PCNX2: variants seen among roughly 807,000 people sequenced by gnomAD.
The protein encoded by PCNX2 is pecanex 2, also known as pecanex-like protein 2.
In PCNX2, 168 loss-of-function variants were observed where a neutral mutation model predicts 223.8. The observed-to-expected ratio is 0.75, with a 90% CI of 0.66 to 0.85. The LOEUF (loss-of-function observed/expected upper bound fraction) is 0.85, where lower values mean the gene tolerates loss of function less well. Ranked by LOEUF, PCNX2 falls within the 40% of genes least tolerant of loss-of-function variation. The pLI, the probability that PCNX2 is intolerant of heterozygous loss-of-function variation, is 0.00. For missense variants in PCNX2, 2,507 were observed against 2,675.5 expected (o/e 0.94, Z 1.39); for synonymous variants, 1,006 against 1,052.6 (o/e 0.96, Z 0.86).
intron 32 of PCNX2, among the ~76,000 whole-genome samples, chr1:232,989,695 C>T (rs1384262957): frequency 6.6e-6 from 1 of 152,198 alleles, no homozygotes. Context: ...GTAAAGGATA[C>T]ACAGGACAAA....
At chr1:233,215,771 G>A (rs1053310380) in intron 12 of PCNX2, among the ~76,000 whole-genome samples, 1 of 152,218 alleles carries the variant, frequency 6.6e-6, no homozygotes, top group African/African-American at 2.4e-5. Flanking sequence ...CTTCAAAGCT[G>A]TACATCTCTC....
chr1:233,289,386 G>A (rs1201028174), intron 1 of PCNX2: 9 of 1,351,414 alleles, frequency 6.7e-6, no homozygotes, highest in Non-Finnish European at 7.4e-6. Context: ...GGAGATGCGG[G>A]ACTCGAACTC....
At chr1:233,071,096 A>G (rs903673461) in intron 23 of PCNX2, among the ~76,000 whole-genome samples, 2 of 152,188 alleles carry the variant, frequency 1.3e-5, no homozygotes, top group Non-Finnish European at 2.9e-5. Flanking sequence ...TAATGGTGAA[A>G]AATTGAATTA....
At chr1:233,002,328 G>A (rs151144348) in intron 28 of PCNX2, among the ~76,000 whole-genome samples, 328 of 152,188 alleles carry the variant, frequency 2.2e-3, no homozygotes, top group African/African-American at 7.6e-3. Flanking sequence ...CAAAATCAAT[G>A]TGCAAAAATC....
intron 21 of PCNX2, among the ~76,000 whole-genome samples, chr1:233,132,886 T>G (rs1040492061): frequency 1.3e-5 from 2 of 151,622 alleles, no homozygotes; most frequent in African/African-American, 4.9e-5. Context: ...CTGGCACATT[T>G]TACATCTTTT....
chr1:233,241,261 G>C (rs1198563680), intron 8 of PCNX2: 1 of 985,328 alleles, frequency 1.0e-6, no homozygotes, highest in African/African-American at 1.7e-5. Context: ...CATGGGACCT[G>C]ACTGCCATCA....
chr1:233,179,608 C>T (rs1228138682), intron 15 of PCNX2, among the ~76,000 whole-genome samples: 3 of 151,954 alleles, frequency 2.0e-5, no homozygotes, highest in Non-Finnish European at 4.4e-5. Flanking sequence ...GAACTGAAAA[C>T]CTGATAAAGA....
At chr1:232,998,048 T>C (rs1669938174) in intron 32 of PCNX2, among the ~76,000 whole-genome samples, 1 of 152,102 alleles carries the variant, frequency 6.6e-6, no homozygotes, top group Non-Finnish European at 1.5e-5. Context: ...CATGGACAGA[T>C]GGATAAATGG....
intron 25 of PCNX2, among the ~76,000 whole-genome samples, chr1:233,030,256 T>C (rs1671218889): frequency 6.6e-6 from 1 of 152,202 alleles, no homozygotes; most frequent in South Asian, 2.1e-4. Flanking sequence ...TTTTCAGTTC[T>C]AGAATTTTAA....
At chr1:233,106,455 C>T (rs138629927) in intron 21 of PCNX2, among the ~76,000 whole-genome samples, 4 of 150,742 alleles carry the variant, frequency 2.7e-5, no homozygotes, top group African/African-American at 7.3e-5. Flanking sequence ...CACGTTCAAG[C>T]GATTCTCCTG....
intron 19 of PCNX2, among the ~76,000 whole-genome samples, chr1:233,142,902 A>G (rs946995557): frequency 6.6e-6 from 1 of 151,648 alleles, no homozygotes; most frequent in Non-Finnish European, 1.5e-5. Context: ...CTCTTCTCCC[A>G]TTTCCTCTGT....
At chr1:233,294,226 G>T (rs1325410512) in intron 1 of PCNX2, among the ~76,000 whole-genome samples, 2 of 152,090 alleles carry the variant, frequency 1.3e-5, no homozygotes, top group African/African-American at 4.8e-5. Context: ...GGCTTTATAT[G>T]TACTATCTCA....
chr1:233,054,158 G>A, intron 25 of PCNX2, 110 bp downstream of exon 25: 1 of 921,654 alleles, frequency 1.1e-6, no homozygotes, highest in Admixed American at 2.5e-5. Context: ...ACTTTCAGTA[G>A]GAAGACATTA....
chr1:233,235,677 T>C (rs563315417), intron 9 of PCNX2, among the ~76,000 whole-genome samples: 18 of 152,214 alleles, frequency 1.2e-4, no homozygotes, highest in African/African-American at 4.1e-4. Context: ...CCTTGGCTGA[T>C]TGCAACCTCC....
intron 28 of PCNX2, 129 bp downstream of exon 28, chr1:233,014,536 T>C: frequency 1.5e-6 from 1 of 684,372 alleles, no homozygotes; most frequent in East Asian, 2.7e-5. Context: ...TAATTTATTA[T>C]GAAAAGAACT....
rs1662022451 is a variant in PCNX2 at position 233,295,401 on chromosome 1, C to T, written c.78G>A (p.Glu26=). The change falls in exon 1 of 34, where the codon GAG becomes GAA. Residue 26 remains glutamate, a synonymous_variant. Transcript: ENST00000258229. This position sits in a 1 kb window ranked among gnomAD's most constrained non-coding sequence, Gnocchi z 4.1. ...GGCAGCTGTTGGTGAACTTGCTCTGCTCCGGGTCGTGGTACCAGCCCCCGG... is the reference window on the plus strand; with the variant it reads ...GGCAGCTGTTGGTGAACTTGCTCTGTTCCGGGTCGTGGTACCAGCCCCCGG... ...ALTGGWYHDP[E]QSKFTNSCHL... is the part of the protein sequence containing the mutation. 6.4e-7 allele frequency: 1 copy of T among 1,554,132 alleles called. No homozygotes were observed. The highest frequency in any genetic ancestry group is 1.4e-5 in the African/African-American group (1 of 73,216).
At chr1:233,162,537 G>T (rs1229455706) in intron 17 of PCNX2, among the ~76,000 whole-genome samples, 2 of 152,122 alleles carry the variant, frequency 1.3e-5, no homozygotes, top group African/African-American at 4.8e-5. Flanking sequence ...AGTAATTAAT[G>T]GTGTCTGATT....
intron 12 of PCNX2, among the ~76,000 whole-genome samples, chr1:233,213,190 C>A (rs938430435): frequency 5.3e-5 from 8 of 152,024 alleles, no homozygotes; most frequent in African/African-American, 1.9e-4. Context: ...TCCACCTCAC[C>A]CTATATATTT....
At chr1:233,166,469 A>G (rs1166653738) in intron 17 of PCNX2, among the ~76,000 whole-genome samples, 1 of 56,450 alleles carries the variant, frequency 1.8e-5, no homozygotes, top group Non-Finnish European at 3.0e-5. Flanking sequence ...AAGACTAGGG[A>G]AAAAAAAATT....
Sources: gnomAD v4.1 joint callset for allele counts (sites outside exome capture counted in the v4.1 genomes callset) on GRCh38, gnomAD v4.1.1 for gene constraint, Gnocchi (gnomAD v3.1) non-coding constraint, MANE v1.5 for transcripts, NCBI Gene and HGNC (gene_info 2026-07-23, HGNC 2026-07-21) for gene names.